Variants in PTPRK observed in about 807,000 individuals in gnomAD.
PTPRK encodes the protein receptor-type tyrosine-protein phosphatase kappa.
In PTPRK, 75 loss-of-function variants were observed where a neutral mutation model predicts 178.0. The ratio of observed to expected loss-of-function variants is 0.42; its 90% confidence interval spans 0.35 to 0.51. The LOEUF (loss-of-function observed/expected upper bound fraction) is 0.51, where lower values mean the gene tolerates loss of function less well. Ranked by LOEUF, PTPRK falls within the 20% of genes least tolerant of loss-of-function variation. The pLI, the probability that PTPRK is intolerant of heterozygous loss-of-function variation, is 0.02. For synonymous variants in PTPRK, 637 were observed against 620.6 expected (o/e 1.03, Z -0.39); for missense variants, 1,441 against 1,797.8 (o/e 0.80, Z 3.59).
At chr6:128,401,218 C>G (rs967149067) in intron 1 of PTPRK, among the ~76,000 whole-genome samples, 1 of 152,122 alleles carries the variant, frequency 6.6e-6, no homozygotes, top group Non-Finnish European at 1.5e-5. Context: ...AAATAAAAAT[C>G]AAGCTGATAT....
At chr6:128,448,791 A>G (rs1254117509) in intron 1 of PTPRK, among the ~76,000 whole-genome samples, 1 of 152,208 alleles carries the variant, frequency 6.6e-6, no homozygotes, top group Non-Finnish European at 1.5e-5. Context: ...TCTAAGTGGC[A>G]AAGATGACAT....
chr6:128,416,754 G>A (rs1320458045), intron 1 of PTPRK, among the ~76,000 whole-genome samples: 5 of 151,268 alleles, frequency 3.3e-5, no homozygotes, highest in Non-Finnish European at 5.9e-5. Flanking sequence ...GTACATCAGT[G>A]AGATCTGTGT....
At chr6:128,461,639 T>C (rs1849065211) in intron 1 of PTPRK, among the ~76,000 whole-genome samples, 2 of 152,192 alleles carry the variant, frequency 1.3e-5, no homozygotes, top group African/African-American at 2.4e-5. Flanking sequence ...ATTCACCCTT[T>C]TAAAACGTAC....
Position 128,519,552 on chromosome 6 carries a change from G to A in PTPRK, c.100+707C>T, listed in dbSNP as rs1368066198. ...CCGAGGAGCGGGCTCCCACGCGCGA[G>A]TCAGGCTTCCTCCACCAGGCGCCCA... On this transcript the variant is annotated intron_variant, in intron 1 of 29. Transcript: ENST00000368226. This position sits in a 1 kb window ranked among gnomAD's most constrained non-coding sequence, Gnocchi z 4.3. Among the ~76,000 whole-genome samples the A allele has an allele frequency of 6.6e-6, 1 of 152,214 alleles. No individual in the cohort carries two copies. Among genetic ancestry groups the A allele is most frequent in the Non-Finnish European group, 1.5e-5 (1 of 68,050 alleles).
At chr6:128,286,433 C>G (rs1276196918) in intron 3 of PTPRK, among the ~76,000 whole-genome samples, 4 of 152,062 alleles carry the variant, frequency 2.6e-5, no homozygotes, top group Admixed American at 2.6e-4. Flanking sequence ...GTTTGTGTTT[C>G]ATTTTCAATA....
intron 1 of PTPRK, among the ~76,000 whole-genome samples, chr6:128,410,068 G>A (rs1170428570): frequency 6.6e-6 from 1 of 152,146 alleles, no homozygotes; most frequent in Admixed American, 6.5e-5. Flanking sequence ...TCTACGATTT[G>A]GTTATTACCA....
At chr6:128,104,569 C>T (rs1461554663) in intron 7 of PTPRK, among the ~76,000 whole-genome samples, 1 of 152,180 alleles carries the variant, frequency 6.6e-6, no homozygotes, top group African/African-American at 2.4e-5. Context: ...AATCATTGCT[C>T]AATACATATT....
chr6:128,208,150 C>T (rs1209391662), intron 6 of PTPRK, among the ~76,000 whole-genome samples: 1 of 151,650 alleles, frequency 6.6e-6, no homozygotes, highest in East Asian at 1.9e-4. Flanking sequence ...CACAGAAATG[C>T]CAAATTGAGT....
At chr6:127,995,127 A>G (rs2114672539) in intron 18 of PTPRK, 2 of 971,570 alleles carry the variant, frequency 2.1e-6, no homozygotes, top group Non-Finnish European at 1.6e-6. Context: ...GATATATTGT[A>G]TGAAGCTAAT....
At chr6:128,008,144 TA>T (rs1778641229) in intron 14 of PTPRK, 2 of 1,052,732 alleles carry the variant, frequency 1.9e-6, no homozygotes, top group African/African-American at 1.7e-5. Context: ...ATGGAATCAT[TA>T]AAACATGTAG....
At chr6:128,315,193 A>G (rs72969061) in intron 3 of PTPRK, among the ~76,000 whole-genome samples, 10,111 of 152,208 alleles carry the variant, frequency 0.066, 372 homozygotes, top group Non-Finnish European at 0.07. Context: ...TCTAATTATT[A>G]TATTTGTGAT....
rs540630727 is a variant in PTPRK, at chr6:128,110,456, T to C, written c.1163-20464A>G. 4.8e-4 allele frequency among the ~76,000 whole-genome samples: 73 copies of C among 152,228 alleles called. 2 individuals carry two copies. The South Asian group carries it at 0.014, about 30-fold the overall frequency. ...GAACAAGCCATTAATGTGCAGAGGA[T>C]ATGCTCTTGATAGATGTGCAGAATC... is the stretch of plus-strand genomic sequence containing the variant. On this transcript the variant is annotated intron_variant, in intron 7 of 29. Coordinates refer to ENST00000368226, the MANE Select transcript of PTPRK (RefSeq NM_002844.4).
chr6:128,303,227 G>A (rs992351933), intron 3 of PTPRK, among the ~76,000 whole-genome samples: 3 of 152,134 alleles, frequency 2.0e-5, no homozygotes, highest in African/African-American at 7.2e-5. Flanking sequence ...TAAATCTGCA[G>A]GCTAACTCCA....
intron 1 of PTPRK, among the ~76,000 whole-genome samples, chr6:128,493,351 A>G (rs1392568338): frequency 2.6e-5 from 4 of 152,134 alleles, no homozygotes; most frequent in Admixed American, 2.0e-4. Flanking sequence ...TCACGAGGTC[A>G]GGAGATCAAG....
intron 1 of PTPRK, 107 bp downstream of exon 1, chr6:128,520,150 CAG>C (rs1386190202): frequency 7.2e-6 from 7 of 967,214 alleles, no homozygotes; most frequent in Admixed American, 2.8e-5. Flanking sequence ...CACCCCCGGA[CAG>C]AGAGAGCTCC....
intron 6 of PTPRK, among the ~76,000 whole-genome samples, chr6:128,195,937 A>G (rs1804781654): frequency 6.6e-6 from 1 of 152,142 alleles, no homozygotes; most frequent in African/African-American, 2.4e-5. Flanking sequence ...GGAATTAAAC[A>G]AAAAACAATC....
At chr6:128,009,384 T>C (rs1380380894) in intron 13 of PTPRK, 116 bp from the exon 14 acceptor site, 3 of 908,538 alleles carry the variant, frequency 3.3e-6, no homozygotes, top group Non-Finnish European at 4.9e-6. Flanking sequence ...TTAATAAAAA[T>C]AATCCCACAA....
chr6:128,167,208 A>T (rs1799539990), intron 7 of PTPRK, among the ~76,000 whole-genome samples: 1 of 151,896 alleles, frequency 6.6e-6, no homozygotes, highest in Admixed American at 6.6e-5. Context: ...AAATATGTAC[A>T]CAGCCAGAAA....
chr6:128,259,851 T>C (rs1012968595), intron 3 of PTPRK, among the ~76,000 whole-genome samples: 1 of 152,158 alleles, frequency 6.6e-6, no homozygotes, highest in African/African-American at 2.4e-5. Context: ...ACTAAAAAAA[T>C]GTGACTTCCT....
Sources: gnomAD v4.1 joint callset for allele counts (sites outside exome capture counted in the v4.1 genomes callset) on GRCh38, gnomAD v4.1.1 for gene constraint, Gnocchi (gnomAD v3.1) non-coding constraint, MANE v1.5 for transcripts, NCBI Gene and HGNC (gene_info 2026-07-23, HGNC 2026-07-21) for gene names.